The following FGF12 variants were observed in gnomAD, a reference collection of about 807,000 sequenced individuals.
FGF12 encodes fibroblast growth factor 12, also known as fibroblast growth factor 12B.
A neutral mutation model predicts 23.6 loss-of-function variants in FGF12; 14 were observed. That is an observed-to-expected ratio of 0.59 (90% confidence interval 0.39 to 0.93). The LOEUF is 0.93. Ranked by LOEUF, FGF12 falls within the 40% of genes least tolerant of loss-of-function variation. FGF12 has a pLI of 0.00. For synonymous variants in FGF12, 62 were observed against 77.3 expected, an observed-to-expected ratio of 0.80 and a Z score of 1.04; for missense variants, 175 against 217.8, an observed-to-expected ratio of 0.80 and a Z score of 1.24.
chr3:192,176,835 A>G (rs1412742580), intron 4 of FGF12, among the ~76,000 whole-genome samples: 3 of 152,232 alleles, frequency 2.0e-5, no homozygotes, highest in Admixed American at 6.5e-5. Flanking sequence ...TGTAAATATA[A>G]CATTGTGGAT....
chr3:192,572,384 C>T (rs974447424), intron 2 of FGF12, among the ~76,000 whole-genome samples: 1 of 152,178 alleles, frequency 6.6e-6, no homozygotes, highest in African/African-American at 2.4e-5. Context: ...CGTCAAGCTC[C>T]ATTTACCTTT....
At chr3:192,533,835 T>C (rs1725158800) in intron 2 of FGF12, among the ~76,000 whole-genome samples, 1 of 152,210 alleles carries the variant, frequency 6.6e-6, no homozygotes, top group African/African-American at 2.4e-5. Context: ...TTGCATTGCA[T>C]ACTGTGATTC....
intron 2 of FGF12, among the ~76,000 whole-genome samples, chr3:192,522,055 G>A (rs7613451): frequency 0.055 from 8,332 of 152,068 alleles, 643 homozygotes; most frequent in African/African-American, 0.18. Context: ...AATATTAGCC[G>A]AGCGCGGTGG....
chr3:192,541,348 C>T (rs1468877536), intron 2 of FGF12, among the ~76,000 whole-genome samples: 1 of 151,840 alleles, frequency 6.6e-6, no homozygotes, highest in African/African-American at 2.4e-5. Context: ...ATCTTATAAC[C>T]CATTATTTTA....
At chr3:192,352,933 T>C in intron 3 of FGF12, among the ~76,000 whole-genome samples, 1 of 152,206 alleles carries the variant, frequency 6.6e-6, no homozygotes, top group Non-Finnish European at 1.5e-5. Context: ...TGCAAACTGA[T>C]GATTTCCTGC....
chr3:192,632,369 T>C (rs555856074), intron 2 of FGF12, among the ~76,000 whole-genome samples: 1 of 152,308 alleles, frequency 6.6e-6, no homozygotes, highest in South Asian at 2.1e-4. Flanking sequence ...TGCCAGAAAG[T>C]AAAAATGCAT....
At chr3:192,619,946 G>C (rs1026841014) in intron 2 of FGF12, among the ~76,000 whole-genome samples, 1 of 152,100 alleles carries the variant, frequency 6.6e-6, no homozygotes, top group East Asian at 1.9e-4. Flanking sequence ...TTGGGGACAG[G>C]TAGCTGAGAT....
intron 2 of FGF12, among the ~76,000 whole-genome samples, chr3:192,719,099 C>A (rs1312627623): frequency 6.6e-6 from 1 of 151,980 alleles, no homozygotes; most frequent in Non-Finnish European, 1.5e-5. Flanking sequence ...TTAGAATAAT[C>A]TAAGTAGTCT....
At chr3:192,244,442 T>C (rs1719781030) in intron 4 of FGF12, among the ~76,000 whole-genome samples, 1 of 152,136 alleles carries the variant, frequency 6.6e-6, no homozygotes. Flanking sequence ...AGTGATAGTG[T>C]GGACAGTGGC....
At chr3:192,641,017 C>T (rs1229327516) in intron 2 of FGF12, among the ~76,000 whole-genome samples, 1 of 151,808 alleles carries the variant, frequency 6.6e-6, no homozygotes, top group African/African-American at 2.4e-5. Flanking sequence ...GGCTGTGTTG[C>T]CCAGGATGGT....
intron 4 of FGF12, among the ~76,000 whole-genome samples, chr3:192,327,280 A>C (rs1716867682): frequency 6.6e-6 from 1 of 152,186 alleles, no homozygotes. Context: ...TGTTACCATG[A>C]TTCTCATGGT....
Position 192,413,965 on chromosome 3 carries a change from G to A in FGF12, c.14-53427C>T, listed in dbSNP as rs189680726. 3.9e-3 allele frequency among the ~76,000 whole-genome samples: 588 copies of A among 152,210 alleles called. 13 individuals carry two copies. Among genetic ancestry groups the A allele is most frequent in the Non-Finnish European group, 2.7e-3 (186 of 68,008 alleles). Reference sequence around the variant, plus strand: ...ATAAAGAACTACTTTCTAATAATTTGTAAATTCCTTTATATAGCAAATTTA... The same window carrying A: ...ATAAAGAACTACTTTCTAATAATTTATAAATTCCTTTATATAGCAAATTTA... On this transcript the variant is annotated intron_variant, in intron 2 of 5. Coordinates refer to ENST00000445105, the MANE Select transcript of FGF12 (RefSeq NM_004113.6).
At chr3:192,714,740 G>A (rs1385240113) in intron 2 of FGF12, among the ~76,000 whole-genome samples, 3 of 151,900 alleles carry the variant, frequency 2.0e-5, no homozygotes, top group African/African-American at 7.3e-5. Context: ...GGATGGTCTC[G>A]ATCTCCTGAC....
chr3:192,608,096 A>G (rs527534756), intron 2 of FGF12, among the ~76,000 whole-genome samples: 1 of 152,274 alleles, frequency 6.6e-6, no homozygotes, highest in Non-Finnish European at 1.5e-5. Flanking sequence ...AAAAATTAAA[A>G]CAATCGAACC....
chr3:192,717,971 T>C (rs1164390760), intron 2 of FGF12, among the ~76,000 whole-genome samples: 1 of 152,166 alleles, frequency 6.6e-6, no homozygotes, highest in Non-Finnish European at 1.5e-5. Flanking sequence ...AAATGATCAG[T>C]AGCCAATCAA....
At chr3:192,293,432 T>G (rs1302501559) in intron 4 of FGF12, among the ~76,000 whole-genome samples, 2 of 152,212 alleles carry the variant, frequency 1.3e-5, no homozygotes, top group African/African-American at 4.8e-5. Context: ...AAATAAAACT[T>G]AACATACCTT....
chr3:192,616,957 T>C (rs1201425435), intron 2 of FGF12, among the ~76,000 whole-genome samples: 2 of 151,912 alleles, frequency 1.3e-5, no homozygotes, highest in Non-Finnish European at 2.9e-5. Context: ...GACACAGGCA[T>C]AAAAATGACC....
intron 2 of FGF12, among the ~76,000 whole-genome samples, chr3:192,621,690 CAAAAA>C (rs5855441): frequency 5.4e-4 from 51 of 94,386 alleles, no homozygotes; most frequent in South Asian, 9.8e-4. Flanking sequence ...GATACAAATA[CAAAAA>C]AAAAAAAAAA....
intron 4 of FGF12, among the ~76,000 whole-genome samples, chr3:192,211,395 G>T (rs1717919444): frequency 6.6e-6 from 1 of 152,048 alleles, no homozygotes; most frequent in African/African-American, 2.4e-5. Context: ...ATCAATGGCG[G>T]TTTAGTGTGT....
Sources: gnomAD v4.1 joint callset for allele counts (sites outside exome capture counted in the v4.1 genomes callset) on GRCh38, gnomAD v4.1.1 for gene constraint, MANE v1.5 for transcripts, NCBI Gene and HGNC (gene_info 2026-07-23, HGNC 2026-07-21) for gene names.